Variants in CCDC7 observed in about 807,000 individuals in gnomAD.
The protein encoded by CCDC7 is coiled-coil domain containing 7, also known as coiled-coil domain-containing protein 7.
CCDC7 carries 183 observed loss-of-function variants against 196.9 expected under a neutral mutation model. That is an observed-to-expected ratio of 0.93 (90% CI 0.82 to 1.05). CCDC7 has a LOEUF of 1.05. CCDC7 is among the 50% of genes least tolerant of loss of function. The pLI, the probability that CCDC7 is intolerant of heterozygous loss-of-function variation, is 0.00. For synonymous variants in CCDC7, 525 were observed against 484.6 expected, an observed-to-expected ratio of 1.08 and a Z score of -1.10; for missense variants, 1,540 against 1,482.2, an observed-to-expected ratio of 1.04 and a Z score of -0.64.
intron 25 of CCDC7, among the ~76,000 whole-genome samples, chr10:32,713,693 T>A (rs758361185): frequency 2.6e-5 from 4 of 152,212 alleles, no homozygotes; most frequent in Non-Finnish European, 5.9e-5. Context: ...ATCCTACTCC[T>A]TTGAGACCCT....
At chr10:32,721,426 G>C (rs147823896) in intron 25 of CCDC7, among the ~76,000 whole-genome samples, 263 of 152,250 alleles carry the variant, frequency 1.7e-3, no homozygotes, top group Middle Eastern at 0.014. Context: ...TGGATCACAA[G>C]GACTCAGGGT....
intron 29 of CCDC7, among the ~76,000 whole-genome samples, chr10:32,792,666 T>G (rs1275210351): frequency 6.6e-6 from 1 of 152,020 alleles, no homozygotes; most frequent in Admixed American, 6.6e-5. Context: ...CTGTGTGTGG[T>G]GGCATACGCT....
intron 9 of CCDC7, chr10:32,498,981 T>G (rs1462710646): frequency 6.6e-6 from 1 of 152,130 alleles, no homozygotes; most frequent in African/African-American, 2.4e-5. Flanking sequence ...TGAAGAGTGT[T>G]TTCCAACTTG....
rs117421568 is a variant in CCDC7, at chr10:32,799,209, G to A, written c.3014-5806G>A. On this transcript the variant is annotated intron_variant, in intron 29 of 41. Transcript: ENST00000639629. ...CTACCAAAGCCCAGTAACAGGCCAA[G>A]AGCTGACTCTCAAAAGGAGAATGAT... 7.9e-3 allele frequency among the ~76,000 whole-genome samples: 1,200 copies of A among 152,254 alleles called. 5 individuals are homozygous for A. Among genetic ancestry groups the A allele is most frequent in the Middle Eastern group, 0.02 (6 of 294 alleles).
chr10:32,742,513 A>C (rs1012692529), intron 28 of CCDC7, among the ~76,000 whole-genome samples: 10 of 151,792 alleles, frequency 6.6e-5, no homozygotes, highest in African/African-American at 1.9e-4. Context: ...CTTACCCCTA[A>C]CTCCTCACAA....
chr10:32,502,871 C>T (rs7901257), intron 9 of CCDC7, among the ~76,000 whole-genome samples: 21,004 of 152,116 alleles, frequency 0.14, 1,759 homozygotes, highest in East Asian at 0.25. Context: ...TCTTTCACTT[C>T]TTTGATTAAG....
In CCDC7 at chr10:32,838,926, G is replaced by A. The variant is rs79426197; in HGVS notation, c.3352+4028G>A. Among the ~76,000 whole-genome samples the A allele has an allele frequency of 5.7e-3, 871 of 152,024 alleles. 13 individuals carry two copies. Among genetic ancestry groups the A allele is most frequent in the African/African-American group, 0.02 (829 of 41,512 alleles). Reference sequence around the variant, plus strand: ...GAAAGATACAGTCTTTTCCAGACAAGCAAATGCTGACATAATTTGCCACTA... The same window carrying A: ...GAAAGATACAGTCTTTTCCAGACAAACAAATGCTGACATAATTTGCCACTA... On this transcript the variant is annotated intron_variant, in intron 33 of 41. Coordinates refer to ENST00000639629, the Ensembl canonical transcript of CCDC7.
At chr10:32,559,498 G>T (rs2055023202) in intron 13 of CCDC7, among the ~76,000 whole-genome samples, 2 of 152,222 alleles carry the variant, frequency 1.3e-5, no homozygotes, top group Admixed American at 1.3e-4. Context: ...CGATCAGACA[G>T]CAGCATTTGC....
At chr10:32,559,307 T>G (rs1170005145) in intron 13 of CCDC7, among the ~76,000 whole-genome samples, 1 of 152,228 alleles carries the variant, frequency 6.6e-6, no homozygotes, top group Non-Finnish European at 1.5e-5. Context: ...TCTGACAGCT[T>G]TGAAGAGAGC....
chr10:32,636,858 G>A (rs1461944481), intron 20 of CCDC7, among the ~76,000 whole-genome samples: 1 of 152,062 alleles, frequency 6.6e-6, no homozygotes, highest in Non-Finnish European at 1.5e-5. Flanking sequence ...GTGTAAAAGT[G>A]TTGCTATTTC....
At chr10:32,504,402 C>T (rs1256996073) in intron 9 of CCDC7, among the ~76,000 whole-genome samples, 1 of 152,152 alleles carries the variant, frequency 6.6e-6, no homozygotes, top group Non-Finnish European at 1.5e-5. Flanking sequence ...CATGAGCCAC[C>T]ATGCCCGGCC....
At chr10:32,845,609 A>T (rs757348256) in exon 35 of CCDC7, 3 of 1,612,068 alleles carry the variant, frequency 1.9e-6, no homozygotes, top group Non-Finnish European at 8.5e-7. Flanking sequence ...ACCACGACAC[A>T]ATTAAAAAGT....
chr10:32,530,102 G>C (rs2049387576), intron 11 of CCDC7, among the ~76,000 whole-genome samples: 1 of 151,944 alleles, frequency 6.6e-6, no homozygotes, highest in Admixed American at 6.6e-5. Flanking sequence ...TTTATTTCTG[G>C]GTTCTCCATT....
chr10:32,528,401 C>A (rs1316635589), intron 11 of CCDC7, among the ~76,000 whole-genome samples: 1 of 144,968 alleles, frequency 6.9e-6, no homozygotes, highest in Non-Finnish European at 1.5e-5. Context: ...ATCCCTCACC[C>A]CCCTCTTATC....
At chr10:32,862,329 C>T (rs2094024879) in intron 41 of CCDC7, among the ~76,000 whole-genome samples, 1 of 151,480 alleles carries the variant, frequency 6.6e-6, no homozygotes, top group Admixed American at 6.6e-5. Context: ...GAAAACCAAA[C>T]ACTGCATGTT....
downstream of CCDC7, among the ~76,000 whole-genome samples, chr10:32,880,636 G>C (rs1362362577): frequency 6.6e-6 from 1 of 152,108 alleles, no homozygotes; most frequent in South Asian, 2.1e-4. Flanking sequence ...ATCCTGAATG[G>C]TATTACCTAG....
intron 21 of CCDC7, among the ~76,000 whole-genome samples, chr10:32,674,532 T>G (rs1360938242): frequency 6.6e-6 from 1 of 152,138 alleles, no homozygotes; most frequent in Non-Finnish European, 1.5e-5. Flanking sequence ...AATATCTCAG[T>G]GTGTAGGAGA....
intron 21 of CCDC7, among the ~76,000 whole-genome samples, chr10:32,682,942 G>T (rs1306775071): frequency 6.6e-6 from 1 of 152,072 alleles, no homozygotes; most frequent in Non-Finnish European, 1.5e-5. Context: ...TATTCTGTAG[G>T]TTGTCTATTT....
intron 31 of CCDC7, among the ~76,000 whole-genome samples, chr10:32,820,885 C>G (rs2090034075): frequency 6.6e-6 from 1 of 152,222 alleles, no homozygotes; most frequent in East Asian, 1.9e-4. Context: ...CTAGGCAATA[C>G]CATTCAGGAC....
Sources: gnomAD v4.1 joint callset for allele counts (sites outside exome capture counted in the v4.1 genomes callset) on GRCh38, gnomAD v4.1.1 for gene constraint, MANE v1.5 for transcripts, NCBI Gene and HGNC (gene_info 2026-07-23, HGNC 2026-07-21) for gene names.